The following USP2 variants were observed in gnomAD, a reference collection of about 807,000 sequenced individuals.
USP2 encodes ubiquitin specific peptidase 2.
A neutral mutation model predicts 72.0 loss-of-function variants in USP2; 33 were observed. That is an observed-to-expected ratio of 0.46 (90% CI 0.35 to 0.61). The LOEUF (loss-of-function observed/expected upper bound fraction) is 0.61. Among genes scored for constraint, USP2 ranks in the 20% least tolerant of loss-of-function variants. USP2 has a pLI of 0.01. For synonymous variants in USP2, 296 were observed against 312.5 expected (o/e 0.95, Z 0.56); for missense variants, 691 against 797.8 (o/e 0.87, Z 1.61).
chr11:119,362,381 T>C (rs960062067), intron 2 of USP2, among the ~76,000 whole-genome samples: 1 of 152,006 alleles, frequency 6.6e-6, no homozygotes, highest in Non-Finnish European at 1.5e-5. Context: ...TGGGAGAAGC[T>C]CCTTTAAGGC....
At chr11:119,369,548 T>A (rs1950900504) in intron 2 of USP2, among the ~76,000 whole-genome samples, 1 of 152,108 alleles carries the variant, frequency 6.6e-6, no homozygotes, top group Admixed American at 6.6e-5. Context: ...GGCTTCCTAC[T>A]CTAGTCAGCT....
intron 7 of USP2, 90 bp downstream of exon 7, chr11:119,358,683 C>T: frequency 6.8e-7 from 1 of 1,476,726 alleles, no homozygotes; most frequent in Middle Eastern, 1.7e-4. Flanking sequence ...ACAGGCTTCC[C>T]CGGGAGAGTG....
chr11:119,376,303 G>C, intron 1 of USP2: 1 of 985,704 alleles, frequency 1.0e-6, no homozygotes, highest in Non-Finnish European at 1.2e-6. Context: ...GTCTCGCTGC[G>C]CAAGACAGGG....
chr11:119,376,276 C>G (rs1218629945), intron 1 of USP2: 2 of 985,562 alleles, frequency 2.0e-6, no homozygotes, highest in African/African-American at 3.5e-5. Flanking sequence ...GGAGAGCGGG[C>G]TGGGGCCCTG....
intron 2 of USP2, among the ~76,000 whole-genome samples, chr11:119,361,611 G>C (rs59121503): frequency 0.011 from 1,611 of 151,958 alleles, 34 homozygotes; most frequent in African/African-American, 0.037. Flanking sequence ...TTGTCAGCTG[G>C]GGGGGAGGGG....
intron 2 of USP2, chr11:119,364,163 T>G: frequency 1.7e-6 from 2 of 1,203,102 alleles, no homozygotes; most frequent in Non-Finnish European, 2.1e-6. Context: ...CTCCCCGGCG[T>G]GCGCCGCCAA....
rs763463955 is a variant in USP2, at chr11:119,373,217, A to AC, written c.263dup (p.Gly89TrpfsTer2). 6.2e-7 allele frequency: 1 copy of AC among 1,613,528 alleles called. No homozygotes were observed. The highest frequency in any genetic ancestry group is 1.3e-5 in the African/African-American group (1 of 74,850). ...GGGTCTGGCTCTCTGCCCGCTTACC[A>AC]CCCCCAGTGATGTCGGGTCTCAGCA... On this transcript the variant is annotated frameshift_variant, in exon 2 of 13. Transcript: ENST00000260187. LOFTEE classifies it high-confidence loss of function.
intron 2 of USP2, among the ~76,000 whole-genome samples, chr11:119,369,009 A>G (rs1373212664): frequency 1.3e-5 from 2 of 152,176 alleles, no homozygotes; most frequent in African/African-American, 4.8e-5. Flanking sequence ...GAACAGGAGA[A>G]GTGGGGCAGA....
At chr11:119,357,339 G>GC (rs1950683104) in intron 11 of USP2, 32 bp from the exon 12 acceptor site, 1 of 1,611,822 alleles carries the variant, frequency 6.2e-7, no homozygotes, top group Non-Finnish European at 8.5e-7. Flanking sequence ...AGCCCCCGAG[G>GC]CCCCCCTGCC....
chr11:119,358,036 A>C lies in USP2; in HGVS notation c.1367T>G (p.Met456Arg). ...TTTGGTGAAGAGCCTCATGCAGTCC[A>C]TTAATGTCACCTCAGGATAACCTCG... ...AKRGYPEVTLMDCMRLFTKED... is the reference protein window; with the variant it reads ...AKRGYPEVTLRDCMRLFTKED... Residue 456 changes from methionine to arginine, a missense_variant, in exon 9 of 13, where the codon ATG (methionine) becomes AGG (arginine). Physicochemically the swap from Met to Arg is moderately conservative, Grantham distance 91. Transcript: ENST00000260187. The C allele has an allele frequency of 3.7e-6, 6 of 1,614,228 alleles. No homozygotes were observed. The highest frequency in any genetic ancestry group is 1.1e-5 in the South Asian group (1 of 91,092).
intron 5 of USP2, 27 bp downstream of exon 5, chr11:119,359,204 G>A (rs527626934): frequency 1.2e-6 from 2 of 1,611,886 alleles, no homozygotes; most frequent in Admixed American, 1.7e-5. Flanking sequence ...CCACCCACCT[G>A]AGAGGACATG....
chr11:119,375,857 C>G (rs687009), intron 1 of USP2, among the ~76,000 whole-genome samples: 131,374 of 152,238 alleles, frequency 0.86, 56,703 homozygotes, highest in East Asian at 0.91. Flanking sequence ...TGGGGCCAAA[C>G]GAGGTCCAGA....
At chr11:119,369,958 C>T (rs370528685) in intron 2 of USP2, among the ~76,000 whole-genome samples, 11 of 152,264 alleles carry the variant, frequency 7.2e-5, no homozygotes, top group African/African-American at 2.4e-4. Flanking sequence ...GCGGGTGGAT[C>T]ACCTGAGGTC....
intron 1 of USP2, among the ~76,000 whole-genome samples, chr11:119,376,573 C>G (rs1054672438): frequency 7.2e-5 from 11 of 152,280 alleles, no homozygotes; most frequent in Non-Finnish European, 1.6e-4. Flanking sequence ...CCCTGCCCAG[C>G]TCCTCCTCCT....
chr11:119,357,372 TC>T, intron 11 of USP2, 65 bp from the exon 12 acceptor site: 1 of 1,564,018 alleles, frequency 6.4e-7, no homozygotes, highest in Non-Finnish European at 8.7e-7. Context: ...CTCCAACCTC[TC>T]CTTCTGGGTC....
chr11:119,357,568 G>A lies in USP2; in HGVS notation c.1524C>T (p.Ser508=). The A allele has an allele frequency of 3.1e-6, 5 of 1,614,184 alleles. No individual in the cohort carries two copies. Among genetic ancestry groups the A allele is most frequent in the Non-Finnish European group, 4.2e-6 (5 of 1,180,024 alleles). ...LVLHLKRFSE[S]RIRTSKLTTF... ...TTGTGAGCTTGCTGGTTCGGATCCTGGATTCTGAGAACCGCTTCAGATCTG... is the reference window on the plus strand; with the variant it reads ...TTGTGAGCTTGCTGGTTCGGATCCTAGATTCTGAGAACCGCTTCAGATCTG... The change falls in exon 11 of 13, where the codon TCC becomes TCT. Residue 508 remains serine (S), a synonymous_variant. Coordinates refer to ENST00000260187, the MANE Select transcript of USP2 (RefSeq NM_004205.5).
At chr11:119,363,073 C>T (rs977658459) in intron 2 of USP2, among the ~76,000 whole-genome samples, 3 of 152,244 alleles carry the variant, frequency 2.0e-5, no homozygotes, top group African/African-American at 7.2e-5. Context: ...TTCCCGCCTA[C>T]CTCACCTGTG....
At chr11:119,373,603 C>A (rs1244443780) in intron 1 of USP2, 82 bp from the exon 2 acceptor site, 5 of 1,308,702 alleles carry the variant, frequency 3.8e-6, no homozygotes, top group Non-Finnish European at 5.1e-6. Flanking sequence ...CTCAGCTGGG[C>A]CAGAACCTCA....
chr11:119,375,554 G>T (rs1282915881), intron 1 of USP2, among the ~76,000 whole-genome samples: 1 of 152,218 alleles, frequency 6.6e-6, no homozygotes, highest in Non-Finnish European at 1.5e-5. Context: ...ACCATAGCGG[G>T]AGAGACAGAC....
Sources: allele counts gnomAD v4.1 joint callset (sites outside exome capture counted in the v4.1 genomes callset), GRCh38; gene constraint gnomAD v4.1.1; transcripts MANE v1.5; gene names NCBI Gene and HGNC (gene_info 2026-07-23, HGNC 2026-07-21).